Variants in CNTNAP5 observed in about 807,000 individuals in gnomAD.
The protein encoded by CNTNAP5 is contactin associated protein family member 5, also known as contactin-associated protein-like 5.
A neutral mutation model predicts 150.2 loss-of-function variants in CNTNAP5; 72 were observed. That is an observed-to-expected ratio of 0.48 (90% confidence interval 0.40 to 0.58). The LOEUF is 0.58. Ranked by LOEUF, CNTNAP5 falls within the 20% of genes least tolerant of loss-of-function variation. The pLI is 0.00. For synonymous variants in CNTNAP5, 672 were observed against 619.8 expected (o/e 1.08, Z -1.25); for missense variants, 1,636 against 1,626.2 (o/e 1.01, Z -0.10).
intron 13 of CNTNAP5, among the ~76,000 whole-genome samples, chr2:124,675,935 G>A (rs1558731282): frequency 2.0e-5 from 3 of 151,956 alleles, no homozygotes; most frequent in Non-Finnish European, 4.4e-5. Flanking sequence ...CTAGTAATGT[G>A]TTTCTTGAAA....
chr2:124,719,524 A>C (rs1019247219), intron 13 of CNTNAP5, among the ~76,000 whole-genome samples: 3 of 152,174 alleles, frequency 2.0e-5, no homozygotes, highest in African/African-American at 7.2e-5. Flanking sequence ...GTATAAAAAA[A>C]GGGGTTTTAA....
intron 1 of CNTNAP5, among the ~76,000 whole-genome samples, chr2:124,087,484 G>A (rs1014674820): frequency 2.6e-5 from 4 of 151,792 alleles, no homozygotes; most frequent in Non-Finnish European, 5.9e-5. Flanking sequence ...AGCACTTTGG[G>A]AGGCCAAGGG....
chr2:124,694,527 A>G (rs987775114), intron 13 of CNTNAP5, among the ~76,000 whole-genome samples: 2 of 152,202 alleles, frequency 1.3e-5, no homozygotes, highest in African/African-American at 4.8e-5. Flanking sequence ...TGATATAAAA[A>G]ATAAAAATCA....
chr2:124,199,231 T>TG (rs1014932460), intron 1 of CNTNAP5, among the ~76,000 whole-genome samples: 1 of 152,034 alleles, frequency 6.6e-6, no homozygotes, highest in African/African-American at 2.4e-5. Context: ...AATTCTGAGA[T>TG]GGGGTGTGGA....
At chr2:124,073,947 C>A (rs2104667301) in intron 1 of CNTNAP5, among the ~76,000 whole-genome samples, 1 of 152,124 alleles carries the variant, frequency 6.6e-6, no homozygotes, top group East Asian at 1.9e-4. Flanking sequence ...AAGTGTCTAT[C>A]AACAGATGAA....
At chr2:124,660,027 GAAGGAAGGAAGGAAGA>G (rs1227623733) in intron 13 of CNTNAP5, among the ~76,000 whole-genome samples, 2 of 84,498 alleles carry the variant, frequency 2.4e-5, no homozygotes, top group Non-Finnish European at 5.2e-5. Context: ...AAGAAAGGAG[GAAGGAAGGAAGGAAGA>G]AAGGAAGGAA....
chr2:124,222,932 C>T (rs1008838893), intron 2 of CNTNAP5, among the ~76,000 whole-genome samples: 8 of 152,140 alleles, frequency 5.3e-5, no homozygotes, highest in African/African-American at 1.9e-4. Context: ...GTTGAGAAAG[C>T]TGTTTAAGAA....
At chr2:124,064,472 C>T (rs1026431461) in intron 1 of CNTNAP5, among the ~76,000 whole-genome samples, 5 of 152,090 alleles carry the variant, frequency 3.3e-5, no homozygotes, top group Admixed American at 2.6e-4. Context: ...TCTATTAACA[C>T]CAACACAGTC....
chr2:124,301,352 T>A (rs1188390930), intron 3 of CNTNAP5, among the ~76,000 whole-genome samples: 1 of 152,242 alleles, frequency 6.6e-6, no homozygotes, highest in African/African-American at 2.4e-5. Context: ...GTTTTGCTCT[T>A]ATCCATCACA....
chr2:124,620,774 C>T (rs62171272), intron 12 of CNTNAP5, among the ~76,000 whole-genome samples: 5 of 140,024 alleles, frequency 3.6e-5, no homozygotes, highest in Admixed American at 7.0e-5. Context: ...CACACACACA[C>T]ATATATATGC....
rs150818689 is a variant in CNTNAP5, at chr2:124,278,497, A to G, written c.381+36104A>G. ...ATGGGTTCACTTTCTATCCACAATC[A>G]AAACAAAGCCCTAGACAGTCAGTGA... On this transcript the variant is annotated intron_variant, in intron 3 of 23. Coordinates refer to ENST00000682447, the MANE Select transcript of CNTNAP5 (RefSeq NM_001367498.1). Among the ~76,000 whole-genome samples the G allele has an allele frequency of 2.2e-3, 341 of 152,288 alleles. 1 individual carries two copies. The highest frequency in any genetic ancestry group is 7.7e-3 in the African/African-American group (320 of 41,566).
chr2:124,677,130 G>A lies in CNTNAP5; in HGVS notation c.2077+29172G>A, dbSNP rs572250424. On this transcript the variant is annotated intron_variant, in intron 13 of 23. Coordinates refer to ENST00000682447, the MANE Select transcript of CNTNAP5 (RefSeq NM_001367498.1). ...GTGTCCTGAGTTCGTTCCTTCAGAT[G>A]TTCAGATGTGTCCAGAGTTTCTTCC... Among the ~76,000 whole-genome samples, 10 of 152,288 alleles carry A rather than the reference G, an allele frequency of 6.6e-5. No individual in the cohort carries two copies. In the East Asian group the frequency reaches 1.2e-3, roughly 18 times the overall value.
chr2:124,572,519 G>C (rs901804850), intron 11 of CNTNAP5, among the ~76,000 whole-genome samples: 1 of 152,182 alleles, frequency 6.6e-6, no homozygotes, highest in South Asian at 2.1e-4. Flanking sequence ...TGGGCATAAA[G>C]GCTGGACTTG....
chr2:124,227,775 G>C (rs970665848), intron 2 of CNTNAP5, among the ~76,000 whole-genome samples: 18 of 151,348 alleles, frequency 1.2e-4, no homozygotes, highest in Non-Finnish European at 7.4e-5. Flanking sequence ...GGTGAGGGTG[G>C]GGGGAGGCGG....
intron 16 of CNTNAP5, among the ~76,000 whole-genome samples, chr2:124,770,622 T>G (rs920840495): frequency 6.6e-6 from 1 of 152,162 alleles, no homozygotes; most frequent in Non-Finnish European, 1.5e-5. Flanking sequence ...GTGGCACTGG[T>G]GATCTGAATA....
At chr2:124,808,586 CAAA>C (rs752625317) in intron 19 of CNTNAP5, among the ~76,000 whole-genome samples, 6 of 93,590 alleles carry the variant, frequency 6.4e-5, no homozygotes, top group Admixed American at 1.2e-4. Context: ...AGACTTGGTC[CAAA>C]AAAAAAAAAA....
At chr2:124,850,472 G>T (rs1433354090) in intron 19 of CNTNAP5, among the ~76,000 whole-genome samples, 1 of 152,128 alleles carries the variant, frequency 6.6e-6, no homozygotes, top group Non-Finnish European at 1.5e-5. Context: ...GGATTGTCAG[G>T]AGCTACCAGA....
At chr2:124,619,138 G>A (rs1446564672) in intron 12 of CNTNAP5, among the ~76,000 whole-genome samples, 1 of 152,188 alleles carries the variant, frequency 6.6e-6, no homozygotes, top group Non-Finnish European at 1.5e-5. Context: ...AATGGATGCA[G>A]AGCATTTCAG....
rs541647712 is a variant in CNTNAP5 at position 124,892,921 on chromosome 2, C to T, written c.3437-9961C>T. On this transcript the variant is annotated intron_variant, in intron 21 of 23. Transcript: ENST00000682447. ...AGAAGAGCACAGTAAGCGATCATCA[C>T]GCATTATCACCTTATTAGGTTGCCA... Among the ~76,000 whole-genome samples the T allele has an allele frequency of 2.3e-3, 350 of 152,176 alleles. 2 individuals carry two copies. The highest frequency in any genetic ancestry group is 3.9e-3 in the South Asian group (19 of 4,816).
Sources: allele counts gnomAD v4.1 joint callset (sites outside exome capture counted in the v4.1 genomes callset), GRCh38; gene constraint gnomAD v4.1.1; transcripts MANE v1.5; gene names NCBI Gene and HGNC (gene_info 2026-07-23, HGNC 2026-07-21).